Variants in CHRM3 observed in about 807,000 individuals in gnomAD.
CHRM3 encodes cholinergic receptor muscarinic 3.
A neutral mutation model predicts 41.8 loss-of-function variants in CHRM3; 11 were observed. That is an observed-to-expected ratio of 0.26 (90% confidence interval 0.17 to 0.44). The LOEUF (loss-of-function observed/expected upper bound fraction) is 0.44. CHRM3 is among the 20% of genes least tolerant of loss of function. CHRM3 has a pLI of 1.00. For missense variants in CHRM3, 571 were observed against 745.4 expected, an observed-to-expected ratio of 0.77 and a Z score of 2.72; for synonymous variants, 297 against 301.4, an observed-to-expected ratio of 0.99 and a Z score of 0.15.
chr1:239,750,203 C>T lies in CHRM3; in HGVS notation c.-147+71915C>T, dbSNP rs559919357. Among the ~76,000 whole-genome samples, 17 of 152,122 alleles carry T rather than the reference C, an allele frequency of 1.1e-4. No homozygotes were observed. The South Asian group carries it at 3.3e-3, about 30-fold the overall frequency. On this transcript the variant is annotated intron_variant, in intron 5 of 6. Coordinates refer to ENST00000676153, the MANE Select transcript of CHRM3 (RefSeq NM_001375978.1). ...GCTTTCCATGTACTGGATGGGCCGGCTGGCAGATGATTTAGTAAATGTGTG... is the reference window on the plus strand; with the variant it reads ...GCTTTCCATGTACTGGATGGGCCGGTTGGCAGATGATTTAGTAAATGTGTG...
rs551917888 is a variant in CHRM3 at position 239,605,179 on chromosome 1, G to C, written c.-312-27045G>C. On this transcript the variant is annotated intron_variant, in intron 3 of 6. Transcript: ENST00000676153. ...ACACAAACTATCCAAGCTTCAGAGA[G>C]CTAACATTATAAATACAGTTATGTG... Among the ~76,000 whole-genome samples, 18 of 152,280 alleles carry C rather than the reference G, an allele frequency of 1.2e-4. No homozygotes were observed. The South Asian group carries it at 3.5e-3, about 30-fold the overall frequency.
chr1:239,664,748 G>A (rs1673594014), intron 4 of CHRM3, among the ~76,000 whole-genome samples: 1 of 152,112 alleles, frequency 6.6e-6, no homozygotes, highest in South Asian at 2.1e-4. Flanking sequence ...TCTCTTCCAT[G>A]TTTCAATGTT....
At chr1:239,522,409 C>T (rs1782352) in intron 2 of CHRM3, among the ~76,000 whole-genome samples, 6,938 of 152,268 alleles carry the variant, frequency 0.046, 181 homozygotes, top group African/African-American at 0.062. Context: ...GTAGATCGTC[C>T]GGGTCTAGCC....
intron 6 of CHRM3, among the ~76,000 whole-genome samples, chr1:239,846,259 C>T (rs1674254212): frequency 1.3e-5 from 2 of 151,992 alleles, no homozygotes; most frequent in Non-Finnish European, 2.9e-5. Flanking sequence ...TCTTGAAAGG[C>T]CTATAACAAA....
intron 1 of CHRM3, among the ~76,000 whole-genome samples, chr1:239,479,125 AG>A (rs1558253242): frequency 1.3e-5 from 2 of 151,370 alleles, no homozygotes; most frequent in African/African-American, 4.8e-5. Flanking sequence ...TGGAAGTTGT[AG>A]GGAGCCAAGA....
rs376799681 is a variant in CHRM3 at position 239,863,634 on chromosome 1, G to A, written c.-20+36256G>A. 5.7e-4 allele frequency among the ~76,000 whole-genome samples: 87 copies of A among 152,204 alleles called. 4 individuals are homozygous for A. The highest frequency in any genetic ancestry group is 1.7e-3 in the South Asian group (8 of 4,814). ...CACCAGGCTTAGAAGATTCCCAAGA[G>A]GAATTCTACCAAATCTTTTCTGAAT... On this transcript the variant is annotated intron_variant, in intron 6 of 6. Transcript: ENST00000676153.
At chr1:239,743,788 CTTTTT>C (rs10718514) in intron 5 of CHRM3, among the ~76,000 whole-genome samples, 1 of 81,202 alleles carries the variant, frequency 1.2e-5, no homozygotes. Context: ...TTTTTTTTTT[CTTTTT>C]TTTTTTTTTT....
chr1:239,753,086 A>G (rs1665963238), intron 5 of CHRM3, among the ~76,000 whole-genome samples: 1 of 152,234 alleles, frequency 6.6e-6, no homozygotes, highest in Non-Finnish European at 1.5e-5. Context: ...ATAAACTACT[A>G]TGCATGAGAT....
chr1:239,541,079 GA>G (rs930503666), intron 2 of CHRM3, among the ~76,000 whole-genome samples: 13 of 151,774 alleles, frequency 8.6e-5, no homozygotes, highest in East Asian at 7.7e-4. Context: ...AATATTGATG[GA>G]AAAAAAATTC....
At chr1:239,617,586 T>C (rs1475164810) in intron 3 of CHRM3, among the ~76,000 whole-genome samples, 1 of 152,036 alleles carries the variant, frequency 6.6e-6, no homozygotes, top group Non-Finnish European at 1.5e-5. Flanking sequence ...TGTAAAAAAT[T>C]AGCCAGGCAT....
intron 6 of CHRM3, among the ~76,000 whole-genome samples, chr1:239,876,908 TACTTATTGA>T (rs755279275): frequency 1.3e-5 from 2 of 152,220 alleles, no homozygotes; most frequent in Non-Finnish European, 2.9e-5. Context: ...AGAAGTCATC[TACTTATTGA>T]ACAACTCTCA....
intron 5 of CHRM3, among the ~76,000 whole-genome samples, chr1:239,749,526 G>A (rs1009535228): frequency 6.6e-6 from 1 of 152,134 alleles, no homozygotes; most frequent in Non-Finnish European, 1.5e-5. Flanking sequence ...AAATTAGCTA[G>A]GTGTGGTAGC....
Position 239,629,678 on chromosome 1 carries a change from C to A in CHRM3, c.-312-2546C>A, listed in dbSNP as rs1005805388. The A allele has an allele frequency of 1.3e-4, 20 of 152,244 alleles. 1 individual carries two copies. The highest frequency in any genetic ancestry group is 4.8e-4 in the African/African-American group (20 of 41,542). 9.4% of individuals were successfully genotyped at this position (152,244 alleles called of 1,614,324 possible). ...TTATTGTGGTGGTATGAAACCAAAA[C>A]CACAATATTTCCAAGGCATGCCAGT... On this transcript the variant is annotated intron_variant, in intron 3 of 6. Coordinates refer to ENST00000676153, the MANE Select transcript of CHRM3 (RefSeq NM_001375978.1).
chr1:239,838,746 A>G (rs1019669025), intron 6 of CHRM3, among the ~76,000 whole-genome samples: 1 of 152,188 alleles, frequency 6.6e-6, no homozygotes, highest in Non-Finnish European at 1.5e-5. Flanking sequence ...TTCTCATTGT[A>G]CTACCAACAA....
chr1:239,899,607 TA>T (rs1382516056), intron 6 of CHRM3, among the ~76,000 whole-genome samples: 3 of 151,944 alleles, frequency 2.0e-5, no homozygotes, highest in African/African-American at 7.3e-5. Flanking sequence ...GCAATGTATA[TA>T]TACACTAAGT....
rs561607159 is a variant in CHRM3 at position 239,590,574 on chromosome 1, G to A, written c.-312-41650G>A. 2.0e-5 allele frequency among the ~76,000 whole-genome samples: 3 copies of A among 152,148 alleles called. No individual in the cohort carries two copies. The East Asian group carries it at 5.8e-4, about 29-fold the overall frequency. ...AGTCTTTATAATTAAAAAAATTAGA[G>A]ATTAAAAATTTCCCCTATCCCTCTT... On this transcript the variant is annotated intron_variant, in intron 3 of 6. Coordinates refer to ENST00000676153, the MANE Select transcript of CHRM3 (RefSeq NM_001375978.1).
chr1:239,848,364 A>C (rs1312386439), intron 6 of CHRM3, among the ~76,000 whole-genome samples: 2 of 152,162 alleles, frequency 1.3e-5, no homozygotes, highest in Non-Finnish European at 2.9e-5. Context: ...ACCCACAACA[A>C]ATTACAATAT....
chr1:239,390,352 A>C, intron 1 of CHRM3, among the ~76,000 whole-genome samples: 1 of 152,192 alleles, frequency 6.6e-6, no homozygotes, highest in East Asian at 1.9e-4. Flanking sequence ...TTTGGAATAA[A>C]ATTTCAACAT....
intron 5 of CHRM3, among the ~76,000 whole-genome samples, chr1:239,699,218 T>C (rs1660466213): frequency 6.6e-6 from 1 of 152,152 alleles, no homozygotes; most frequent in Non-Finnish European, 1.5e-5. Flanking sequence ...TGAGTAGTAT[T>C]ATGGACTGAG....
Sources: gnomAD v4.1 joint callset for allele counts (sites outside exome capture counted in the v4.1 genomes callset) on GRCh38, gnomAD v4.1.1 for gene constraint, MANE v1.5 for transcripts, NCBI Gene and HGNC (gene_info 2026-07-23, HGNC 2026-07-21) for gene names.